UNC5C: variants seen among roughly 807,000 people sequenced by gnomAD.
UNC5C encodes the protein netrin receptor UNC5C.
UNC5C carries 47 observed loss-of-function variants against 99.8 expected under a neutral mutation model. The observed-to-expected ratio is 0.47, with a 90% confidence interval of 0.37 to 0.60. UNC5C has a LOEUF of 0.60. UNC5C is among the 20% of genes least tolerant of loss of function. UNC5C has a pLI of 0.00. For missense variants in UNC5C, 1,062 were observed against 1,165.9 expected, an observed-to-expected ratio of 0.91 and a Z score of 1.30; for synonymous variants, 487 against 452.2, an observed-to-expected ratio of 1.08 and a Z score of -0.98.
chr4:95,400,384 C>CTTTTTTTTTTTTTTTTT (rs1171870515), intron 1 of UNC5C, among the ~76,000 whole-genome samples: 2 of 65,764 alleles, frequency 3.0e-5, no homozygotes, highest in Non-Finnish European at 5.5e-5. Flanking sequence ...GAGATGAATT[C>CTTTTTTTTTTTTTTTTT]TTTTTTTTTT....
chr4:95,248,597 G>A (rs1286098771), intron 5 of UNC5C: 1 of 452,432 alleles, frequency 2.2e-6, no homozygotes, highest in African/African-American at 2.0e-5. Flanking sequence ...GTGATCTTGA[G>A]CCCGCTGTTT....
intron 2 of UNC5C, among the ~76,000 whole-genome samples, chr4:95,324,462 C>T (rs1742814132): frequency 6.6e-6 from 1 of 152,078 alleles, no homozygotes; most frequent in Non-Finnish European, 1.5e-5. Flanking sequence ...AAATAAAGTG[C>T]ACAATAAATG....
Position 95,350,482 on chromosome 4 carries a change from T to C in UNC5C, c.125-14851A>G, listed in dbSNP as rs571869217. Among the ~76,000 whole-genome samples the C allele has an allele frequency of 1.3e-3, 78 of 59,488 alleles. 1 individual carries two copies. The East Asian group carries it at 0.25, about 188-fold the overall frequency. 39.0% of individuals were successfully genotyped at this position (59,488 alleles called of 152,430 possible). On this transcript the variant is annotated intron_variant, in intron 1 of 15. Coordinates refer to ENST00000453304, the MANE Select transcript of UNC5C (RefSeq NM_003728.4). The stretch of plus-strand genomic sequence containing the variant: ...AGCCTGGTAACAGAGCAAGACTCCG[T>C]CTCAAAAAAAAAAAAGTTCTACCAT...
intron 1 of UNC5C, among the ~76,000 whole-genome samples, chr4:95,416,144 G>T (rs1223560364): frequency 1.3e-5 from 2 of 152,164 alleles, no homozygotes; most frequent in African/African-American, 4.8e-5. Context: ...TTAAGCCCAT[G>T]TGAGGAAGAA....
At chr4:95,256,824 T>C (rs1463320143) in intron 4 of UNC5C, among the ~76,000 whole-genome samples, 3 of 151,210 alleles carry the variant, frequency 2.0e-5, no homozygotes, top group African/African-American at 2.4e-5. Flanking sequence ...ACTAAAGAGT[T>C]TGGAGTCTGA....
intron 1 of UNC5C, among the ~76,000 whole-genome samples, chr4:95,414,739 T>C (rs1296771066): frequency 1.3e-5 from 2 of 152,160 alleles, no homozygotes; most frequent in Non-Finnish European, 2.9e-5. Flanking sequence ...CTTATCCACA[T>C]GATGTTAATG....
intron 1 of UNC5C, among the ~76,000 whole-genome samples, chr4:95,479,976 T>C (rs1721086255): frequency 2.0e-5 from 3 of 148,712 alleles, no homozygotes; most frequent in Admixed American, 2.0e-4. Context: ...TTTCCTGGAA[T>C]GTCTTTGAGC....
chr4:95,279,324 G>A (rs1205670882), intron 3 of UNC5C, among the ~76,000 whole-genome samples: 1 of 152,142 alleles, frequency 6.6e-6, no homozygotes. Flanking sequence ...ATCTAATTAT[G>A]TATTTATATA....
chr4:95,420,266 A>AT (rs1458250190), intron 1 of UNC5C, among the ~76,000 whole-genome samples: 1 of 152,126 alleles, frequency 6.6e-6, no homozygotes, highest in South Asian at 2.1e-4. Context: ...AATTCTTGTT[A>AT]TTTTTTGTTG....
At chr4:95,271,100 T>C (rs923299543) in intron 4 of UNC5C, among the ~76,000 whole-genome samples, 3 of 152,208 alleles carry the variant, frequency 2.0e-5, no homozygotes, top group Non-Finnish European at 2.9e-5. Flanking sequence ...TTTGAACAAA[T>C]GAAGGCCAAC....
At chr4:95,456,145 T>C (rs373189801) in intron 1 of UNC5C, among the ~76,000 whole-genome samples, 4 of 152,086 alleles carry the variant, frequency 2.6e-5, no homozygotes, top group South Asian at 2.1e-4. Context: ...CTTTCGTGTG[T>C]ATAATGGTAA....
chr4:95,337,410 A>G (rs929064151), intron 1 of UNC5C, among the ~76,000 whole-genome samples: 10 of 151,906 alleles, frequency 6.6e-5, no homozygotes, highest in Non-Finnish European at 1.5e-4. Context: ...TAATATAGCA[A>G]AAGTATTTAA....
Position 95,278,369 on chromosome 4 carries a change from C to T in UNC5C, c.491-7G>A, listed in dbSNP as rs768098742. 53 of 1,608,474 alleles carry T rather than the reference C, an allele frequency of 3.3e-5. No individual in the cohort carries two copies. Among genetic ancestry groups the T allele is most frequent in the Middle Eastern group, 1.6e-4 (1 of 6,074 alleles). On this transcript the variant is annotated splice_polypyrimidine_tract_variant and splice_region_variant and intron_variant, in intron 3 of 15. Coordinates refer to ENST00000453304, the MANE Select transcript of UNC5C (RefSeq NM_003728.4). ...TCAAATGTCTTCCGTAGATCTGGAA[C>T]GTAAAAGTGACAAAATACATGTCAA...
At chr4:95,310,061 G>A (rs1236415892) in intron 2 of UNC5C, among the ~76,000 whole-genome samples, 1 of 152,132 alleles carries the variant, frequency 6.6e-6, no homozygotes, top group Non-Finnish European at 1.5e-5. Context: ...TAGATGAGTG[G>A]TGGTAGAAAA....
chr4:95,285,300 A>G (rs977459222), intron 3 of UNC5C, among the ~76,000 whole-genome samples: 1 of 152,162 alleles, frequency 6.6e-6, no homozygotes, highest in African/African-American at 2.4e-5. Context: ...GTATACTTCA[A>G]TAGACTATTC....
intron 1 of UNC5C, among the ~76,000 whole-genome samples, chr4:95,426,152 A>T (rs1191481711): frequency 6.6e-6 from 1 of 152,218 alleles, no homozygotes; most frequent in South Asian, 2.1e-4. Context: ...TGCTCACTTC[A>T]TATCTCTATG....
At chr4:95,395,742 C>T (rs766341684) in intron 1 of UNC5C, among the ~76,000 whole-genome samples, 5 of 152,188 alleles carry the variant, frequency 3.3e-5, no homozygotes, top group African/African-American at 4.8e-5. Flanking sequence ...ATTTCTTCAG[C>T]AGACAGGCCA....
chr4:95,348,041 G>C (rs1191153180), intron 1 of UNC5C, among the ~76,000 whole-genome samples: 1 of 151,870 alleles, frequency 6.6e-6, no homozygotes, highest in Non-Finnish European at 1.5e-5. Flanking sequence ...AGAAGAGATA[G>C]GGAGCTCAAA....
At chr4:95,319,910 A>T (rs1350122285) in intron 2 of UNC5C, among the ~76,000 whole-genome samples, 1 of 152,192 alleles carries the variant, frequency 6.6e-6, no homozygotes, top group Non-Finnish European at 1.5e-5. Flanking sequence ...AGAATGGAAC[A>T]ACAGCCTGGA....
Sources: allele counts gnomAD v4.1 joint callset (sites outside exome capture counted in the v4.1 genomes callset), GRCh38; gene constraint gnomAD v4.1.1; transcripts MANE v1.5; gene names NCBI Gene and HGNC (gene_info 2026-07-23, HGNC 2026-07-21).